The following PNPT1 variants were observed in gnomAD, a reference collection of about 807,000 sequenced individuals.
PNPT1 encodes the protein polyribonucleotide nucleotidyltransferase 1, mitochondrial.
Under a neutral mutation model 119.5 loss-of-function variants are expected in PNPT1, and 53 were observed. That is an observed-to-expected ratio of 0.44 (90% CI 0.36 to 0.56). The LOEUF is 0.56. PNPT1 is among the 20% of genes least tolerant of loss of function. PNPT1 has a pLI of 0.00. For synonymous variants in PNPT1, 357 were observed against 322.1 expected (o/e 1.11, Z -1.16); for missense variants, 948 against 938.5 (o/e 1.01, Z -0.13).
chr2:55,644,773 T>G (rs1287122313), intron 22 of PNPT1, 53 bp from the exon 23 acceptor site: 4 of 1,260,582 alleles, frequency 3.2e-6, no homozygotes, highest in African/African-American at 1.5e-5. Flanking sequence ...TACATGAACC[T>G]AAAACATGCC....
rs771094426 is a variant in PNPT1 at position 55,671,376 on chromosome 2, C to A, written c.919G>T (p.Val307Phe). ...AVFTDYEHDK[V>F]SRDEAVNKIR... The stretch of plus-strand genomic sequence containing the variant: ...TTGTTAACAGCTTCATCTCTGGAAA[C>A]CTAAAAGAAAGTTGAGGTTCAGTTA... The change falls in exon 11 of 28, where the codon GTT (valine) becomes TTT (phenylalanine). Residue 307 changes from valine to phenylalanine, a missense_variant and splice_region_variant. Coordinates refer to ENST00000447944, the MANE Select transcript of PNPT1 (RefSeq NM_033109.5). 27 of 1,524,352 alleles carry A rather than the reference C, an allele frequency of 1.8e-5. No homozygotes were observed. In the South Asian group the frequency reaches 3.4e-4, roughly 19 times the overall value. The allele number at this position is 1,524,352 out of a possible 1,614,324, so 94.4% of individuals were successfully genotyped here. A position where few individuals can be genotyped will look rare whatever the true frequency, so the allele number is the denominator to read the frequency against.
chr2:55,665,901 C>T (rs748457716), intron 13 of PNPT1, among the ~76,000 whole-genome samples: 6 of 151,900 alleles, frequency 3.9e-5, no homozygotes, highest in African/African-American at 7.3e-5. Flanking sequence ...TATTAATAAA[C>T]GAAAAGAAGG....
At chr2:55,653,037 G>C (rs1390198922) in intron 18 of PNPT1, among the ~76,000 whole-genome samples, 1 of 152,076 alleles carries the variant, frequency 6.6e-6, no homozygotes, top group Admixed American at 6.6e-5. Context: ...TAGTAGAGAC[G>C]GGGTTTCACT....
At chr2:55,664,917 T>C (rs758217543) in intron 13 of PNPT1, among the ~76,000 whole-genome samples, 9 of 152,108 alleles carry the variant, frequency 5.9e-5, no homozygotes, top group Non-Finnish European at 1.2e-4. Context: ...TTTAGTATAA[T>C]TATAATTATA....
intron 26 of PNPT1, among the ~76,000 whole-genome samples, chr2:55,638,916 A>C (rs1032297647): frequency 7.2e-5 from 11 of 152,074 alleles, no homozygotes; most frequent in Admixed American, 7.2e-4. Flanking sequence ...CTGGGATTAC[A>C]GGTGCACGCC....
In PNPT1 at chr2:55,671,124, A is replaced by C. The variant is rs139815135; in HGVS notation, c.976+195T>G. Among the ~76,000 whole-genome samples, 43 of 152,276 alleles carry C rather than the reference A, an allele frequency of 2.8e-4. 1 individual carries two copies. Among genetic ancestry groups the C allele is most frequent in the African/African-American group, 1.0e-3 (42 of 41,544 alleles). On this transcript the variant is annotated intron_variant, in intron 11 of 27. Transcript: ENST00000447944. ...GGCATTTGAACCTTGGGTTAGAAGA[A>C]GACCACCTGCTATGAGAGAGCATTC...
At chr2:55,646,031 T>C (rs1394046459) in intron 21 of PNPT1, among the ~76,000 whole-genome samples, 13 of 152,136 alleles carry the variant, frequency 8.5e-5, no homozygotes, top group Admixed American at 8.5e-4. Context: ...TTTCACCATG[T>C]TGGCCAGGCT....
rs749055112 is a variant in PNPT1 at position 55,667,865 on chromosome 2, T to C, written c.1070A>G (p.Lys357Arg). 6.3e-7 allele frequency: 1 copy of C among 1,599,906 alleles called. No homozygotes were observed. Among genetic ancestry groups the C allele is most frequent in the Non-Finnish European group, 8.5e-7 (1 of 1,176,092 alleles). The change falls in exon 12 of 28, where the codon AAA becomes AGA. Residue 357 changes from lysine (K) to arginine (R), a missense_variant. Transcript: ENST00000447944. ...VFRSIVLNEYKRCDGRDLTSL... is the reference protein window; with the variant it reads ...VFRSIVLNEYRRCDGRDLTSL... ...CAACAAAAAAGGGTATGTTTACCTT[T>C]TGTATTCATTCAAAACAATACTTCT...
chr2:55,654,536 T>C (rs1371953211), intron 18 of PNPT1, among the ~76,000 whole-genome samples: 1 of 152,194 alleles, frequency 6.6e-6, no homozygotes, highest in African/African-American at 2.4e-5. Flanking sequence ...GGGTCACCAA[T>C]GCAAATAAAA....
intron 26 of PNPT1, among the ~76,000 whole-genome samples, chr2:55,638,738 A>G (rs1041113232): frequency 1.3e-5 from 2 of 152,158 alleles, no homozygotes; most frequent in African/African-American, 4.8e-5. Flanking sequence ...CGGCATTTAT[A>G]AAAATGGACC....
chr2:55,671,672 A>G (rs187282047), intron 10 of PNPT1, among the ~76,000 whole-genome samples: 1 of 152,320 alleles, frequency 6.6e-6, no homozygotes, highest in Admixed American at 6.5e-5. Context: ...CGTCTCTACT[A>G]AAAATACAAA....
chr2:55,653,599 A>G (rs1463501292), intron 18 of PNPT1, among the ~76,000 whole-genome samples: 1 of 152,268 alleles, frequency 6.6e-6, no homozygotes, highest in Non-Finnish European at 1.5e-5. Flanking sequence ...CATAGGTGCC[A>G]CAAAGTAAAG....
At chr2:55,692,531 G>T (rs72812148) in intron 1 of PNPT1, among the ~76,000 whole-genome samples, 11,750 of 151,422 alleles carry the variant, frequency 0.078, 526 homozygotes, top group South Asian at 0.17. Context: ...TTTAAAAAGC[G>T]GTCCCCTAAA....
intron 5 of PNPT1, among the ~76,000 whole-genome samples, chr2:55,681,563 G>A (rs745925975): frequency 6.6e-6 from 1 of 152,098 alleles, no homozygotes; most frequent in Non-Finnish European, 1.5e-5. Flanking sequence ...ATATTTTCTA[G>A]GCCAGGCATG....
chr2:55,671,258 G>C (rs1696904282), intron 11 of PNPT1, 61 bp downstream of exon 11: 1 of 852,030 alleles, frequency 1.2e-6, no homozygotes, highest in Non-Finnish European at 1.8e-6. Flanking sequence ...GCAAGAGTCA[G>C]GCCATGCCTT....
rs1328078449 is a variant in PNPT1, at chr2:55,679,813, A to G, written c.566-18T>C. 6.5e-7 allele frequency: 1 copy of G among 1,533,418 alleles called. No homozygotes were observed. Among genetic ancestry groups the G allele is most frequent in the Non-Finnish European group, 9.0e-7 (1 of 1,116,864 alleles). The allele number at this position is 1,533,418 out of a possible 1,614,324, so 95.0% of individuals were successfully genotyped here. A position where few individuals can be genotyped will look rare whatever the true frequency, so the allele number is the denominator to read the frequency against. On this transcript the variant is annotated intron_variant, in intron 7 of 27. Coordinates refer to ENST00000447944, the MANE Select transcript of PNPT1 (RefSeq NM_033109.5). ...TACTGCCCCTAAAATGTATTAGAAT[A>G]TTGGCAACTGTTTAATGGAAATACC...
intron 13 of PNPT1, among the ~76,000 whole-genome samples, chr2:55,663,309 GA>G: frequency 6.6e-6 from 1 of 152,336 alleles, no homozygotes; most frequent in Admixed American, 6.5e-5. Context: ...CAGTGAGCAT[GA>G]AGATGAATGA....
At chr2:55,646,202 T>C (rs1559088858) in intron 21 of PNPT1, 57 bp downstream of exon 21, 8 of 1,461,236 alleles carry the variant, frequency 5.5e-6, no homozygotes, top group Non-Finnish European at 4.7e-6. Context: ...ATGAGAACTA[T>C]AGTTCCCATT....
chr2:55,650,649 C>G (rs1411416487), intron 18 of PNPT1, among the ~76,000 whole-genome samples: 1 of 149,490 alleles, frequency 6.7e-6, no homozygotes, highest in African/African-American at 2.5e-5. Flanking sequence ...CGCCCATCGT[C>G]TGAGATGTGG....
Sources: allele counts gnomAD v4.1 joint callset (sites outside exome capture counted in the v4.1 genomes callset), GRCh38; gene constraint gnomAD v4.1.1; transcripts MANE v1.5; gene names NCBI Gene and HGNC (gene_info 2026-07-23, HGNC 2026-07-21).